The following RC3H1 variants were observed in gnomAD, a reference collection of about 807,000 sequenced individuals.
RC3H1 encodes the protein roquin-1.
RC3H1 carries 50 observed loss-of-function variants against 138.2 expected under a neutral mutation model. The ratio of observed to expected loss-of-function variants is 0.36; its 90% CI spans 0.29 to 0.46. The LOEUF (loss-of-function observed/expected upper bound fraction) is 0.46. Among genes scored for constraint, RC3H1 ranks in the 20% least tolerant of loss-of-function variants. The pLI is 1.00. For synonymous variants in RC3H1, 462 were observed against 489.1 expected (o/e 0.94, Z 0.73); for missense variants, 1,031 against 1,388.1 (o/e 0.74, Z 4.09).
chr1:174,005,194 A>G (rs775188119), intron 1 of RC3H1, among the ~76,000 whole-genome samples: 2 of 152,176 alleles, frequency 1.3e-5, no homozygotes, highest in Non-Finnish European at 2.9e-5. Context: ...TGAGGACAAG[A>G]GTACATGAAA....
intron 1 of RC3H1, among the ~76,000 whole-genome samples, chr1:174,021,014 A>G (rs2103123425): frequency 6.6e-6 from 1 of 152,304 alleles, no homozygotes; most frequent in Admixed American, 6.5e-5. Context: ...GTCGCAAAAC[A>G]AAACAAAAAC....
chr1:173,949,114 A>G (rs1659266128), intron 14 of RC3H1, among the ~76,000 whole-genome samples: 1 of 97,914 alleles, frequency 1.0e-5, no homozygotes, highest in South Asian at 4.0e-4. Flanking sequence ...CTTCCTCTAA[A>G]ACTCTCTATT....
intron 2 of RC3H1, among the ~76,000 whole-genome samples, chr1:173,990,578 A>AT (rs368844804): frequency 0.18 from 25,792 of 144,068 alleles, 2,370 homozygotes; most frequent in Middle Eastern, 0.23. Flanking sequence ...ATTATTATTT[A>AT]TTTTTTTTTT....
chr1:174,013,962 G>A (rs1661814214), intron 1 of RC3H1, among the ~76,000 whole-genome samples: 1 of 152,150 alleles, frequency 6.6e-6, no homozygotes, highest in Non-Finnish European at 1.5e-5. Context: ...GAAGATGCCA[G>A]TCTGAAAGGA....
intron 1 of RC3H1, among the ~76,000 whole-genome samples, chr1:173,995,363 G>C (rs1661437602): frequency 6.6e-6 from 1 of 151,316 alleles, no homozygotes; most frequent in South Asian, 2.1e-4. Flanking sequence ...GAGAAACCCC[G>C]TCTCTACTAA....
At chr1:173,942,324 T>A (rs866920165) in intron 18 of RC3H1, among the ~76,000 whole-genome samples, 2 of 147,142 alleles carry the variant, frequency 1.4e-5, no homozygotes, top group African/African-American at 5.1e-5. Context: ...TCCCAGCTAC[T>A]CGGGAGACTG....
chr1:173,999,115 G>A (rs532987144), intron 1 of RC3H1, among the ~76,000 whole-genome samples: 19 of 151,556 alleles, frequency 1.3e-4, no homozygotes, highest in Admixed American at 2.6e-4. Context: ...ACTGTTGGGC[G>A]TGGTGGCTCA....
chr1:174,012,448 CAA>C (rs1350846424), intron 1 of RC3H1, among the ~76,000 whole-genome samples: 2 of 152,120 alleles, frequency 1.3e-5, no homozygotes, highest in African/African-American at 2.4e-5. Context: ...ATACCCTCTT[CAA>C]AATAACTTCT....
chr1:173,960,393 G>A (rs1468099777), intron 13 of RC3H1, among the ~76,000 whole-genome samples: 1 of 152,058 alleles, frequency 6.6e-6, no homozygotes, highest in Non-Finnish European at 1.5e-5. Context: ...ACAAAAACAG[G>A]TGAAATTAAT....
chr1:174,004,038 T>G (rs1022550390), intron 1 of RC3H1, among the ~76,000 whole-genome samples: 25 of 147,938 alleles, frequency 1.7e-4, no homozygotes, highest in Non-Finnish European at 3.6e-4. Context: ...TTAAAATTAT[T>G]TTATATATAT....
intron 7 of RC3H1, among the ~76,000 whole-genome samples, chr1:173,973,534 C>CAA (rs558441818): frequency 6.2e-4 from 56 of 89,944 alleles, no homozygotes; most frequent in African/African-American, 1.4e-3. Flanking sequence ...AACTCCATCT[C>CAA]AAAAAAAAAA....
At chr1:173,943,324 A>C in intron 18 of RC3H1, 118 bp downstream of exon 18, 1 of 905,246 alleles carries the variant, frequency 1.1e-6, no homozygotes, top group Non-Finnish European at 1.6e-6. Flanking sequence ...GAATTATTTT[A>C]AATATTAACC....
rs1491143489 is a variant in RC3H1 at position 173,936,762 on chromosome 1, T to TA, written c.*1958_*1959insT. 0.018 allele frequency: 251 copies of TA among 14,078 alleles called. No individual in the cohort carries two copies. The highest frequency in any genetic ancestry group is 0.053 in the East Asian group (16 of 302). 0.9% of individuals were successfully genotyped at this position (14,078 alleles called of 1,614,324 possible). A position where few individuals can be genotyped will look rare whatever the true frequency, so the allele number is the denominator to read the frequency against. On this transcript the variant is annotated 3_prime_UTR_variant, in exon 20 of 20. Transcript: ENST00000367696. The stretch of plus-strand genomic sequence containing the variant: ...ATATATATATATATATATATATATA[T>TA]TTTTTTTTTTTTTTTTAAAAAAAGA...
intron 1 of RC3H1, among the ~76,000 whole-genome samples, chr1:174,013,474 ACT>A (rs1661806423): frequency 6.6e-6 from 1 of 151,374 alleles, no homozygotes. Flanking sequence ...ACACGGTCTC[ACT>A]CTGTCGCCAG....
intron 17 of RC3H1, among the ~76,000 whole-genome samples, 169 bp downstream of exon 17, chr1:173,946,307 G>A (rs1325808568): frequency 6.6e-6 from 1 of 151,986 alleles, no homozygotes; most frequent in Non-Finnish European, 1.5e-5. Context: ...TACGTTTTCT[G>A]TTGTCCCAGA....
At chr1:174,009,014 T>C (rs1445009918) in intron 1 of RC3H1, among the ~76,000 whole-genome samples, 1 of 150,776 alleles carries the variant, frequency 6.6e-6, no homozygotes, top group Non-Finnish European at 1.5e-5. Flanking sequence ...GTTTTGCTGA[T>C]TCCCAAGTAG....
chr1:173,966,815 T>A (rs1466537431), intron 9 of RC3H1, among the ~76,000 whole-genome samples: 4 of 152,258 alleles, frequency 2.6e-5, no homozygotes, highest in African/African-American at 9.6e-5. Flanking sequence ...TTTCTGAGGT[T>A]GGGGAGAAAA....
chr1:173,946,077 G>T (rs373132085), intron 17 of RC3H1, among the ~76,000 whole-genome samples: 14 of 152,078 alleles, frequency 9.2e-5, no homozygotes, highest in African/African-American at 2.9e-4. Flanking sequence ...GCTGAGGCAG[G>T]AGAATTGCAT....
chr1:173,961,560 GT>G (rs200060720), intron 12 of RC3H1, among the ~76,000 whole-genome samples, 164 bp downstream of exon 12: 145 of 128,370 alleles, frequency 1.1e-3, no homozygotes, highest in African/African-American at 5.0e-3. Context: ...TCATTATATA[GT>G]TTAAAAAAAA....
Sources: gnomAD v4.1 joint callset for allele counts (sites outside exome capture counted in the v4.1 genomes callset) on GRCh38, gnomAD v4.1.1 for gene constraint, MANE v1.5 for transcripts, NCBI Gene and HGNC (gene_info 2026-07-23, HGNC 2026-07-21) for gene names.